CDH13: variants seen among roughly 807,000 people sequenced by gnomAD.
CDH13 encodes cadherin-13.
Under a neutral mutation model 63.8 loss-of-function variants are expected in CDH13, and 24 were observed. The observed-to-expected ratio is 0.38, with a 90% CI of 0.27 to 0.53. The LOEUF (loss-of-function observed/expected upper bound fraction) is 0.53, where lower values mean the gene tolerates loss of function less well. Ranked by LOEUF, CDH13 falls within the 20% of genes least tolerant of loss-of-function variation. The pLI is 0.85. For missense variants in CDH13, 1,049 were observed against 903.1 expected, an observed-to-expected ratio of 1.16 and a Z score of -2.07; for synonymous variants, 503 against 355.3, an observed-to-expected ratio of 1.42 and a Z score of -4.67.
intron 1 of CDH13, among the ~76,000 whole-genome samples, chr16:82,741,253 A>G (rs1368692895): frequency 2.0e-5 from 3 of 152,274 alleles, no homozygotes; most frequent in Non-Finnish European, 2.9e-5. Context: ...TGTCTCTTCC[A>G]TCATTCTGTG....
intron 6 of CDH13, among the ~76,000 whole-genome samples, chr16:83,407,084 C>G (rs1371606921): frequency 1.3e-5 from 2 of 152,168 alleles, no homozygotes; most frequent in Non-Finnish European, 2.9e-5. Context: ...CATGTATATT[C>G]AACAGATAAT....
At chr16:83,594,448 A>T (rs1907065672) in intron 7 of CDH13, among the ~76,000 whole-genome samples, 1 of 151,244 alleles carries the variant, frequency 6.6e-6, no homozygotes, top group Non-Finnish European at 1.5e-5. Flanking sequence ...ACTCCTTCTT[A>T]AATGTCAACC....
chr16:83,744,104 T>TA (rs1386621495), intron 10 of CDH13, among the ~76,000 whole-genome samples: 1 of 152,180 alleles, frequency 6.6e-6, no homozygotes, highest in East Asian at 1.9e-4. Context: ...GTGATGCTCT[T>TA]AAAGGGTTTA....
At position 83,274,112 on chromosome 16, in the gene CDH13, C is replaced by T. The variant is rs543978965; in HGVS notation, c.636+56615C>T. ...CCCTCTCGCCTTCCCCCAGGCCAGGCCGTCTCCTCCATCCCAACACCAAGG... is the reference window on the plus strand; with the variant it reads ...CCCTCTCGCCTTCCCCCAGGCCAGGTCGTCTCCTCCATCCCAACACCAAGG... On this transcript the variant is annotated intron_variant, in intron 5 of 13. Coordinates refer to ENST00000567109, the MANE Select transcript of CDH13 (RefSeq NM_001257.5). 1.2e-4 allele frequency among the ~76,000 whole-genome samples: 18 copies of T among 152,296 alleles called. No homozygotes were observed. In the East Asian group the frequency reaches 3.1e-3, roughly 26 times the overall value.
intron 5 of CDH13, among the ~76,000 whole-genome samples, chr16:83,284,378 G>A (rs190459245): frequency 3.0e-4 from 46 of 152,176 alleles, no homozygotes; most frequent in African/African-American, 1.1e-3. Context: ...AATGAGATAC[G>A]ATACTACCAC....
At chr16:83,068,379 G>T (rs909608121) in intron 3 of CDH13, among the ~76,000 whole-genome samples, 65 of 152,096 alleles carry the variant, frequency 4.3e-4, no homozygotes, top group African/African-American at 7.2e-5. Context: ...CTATTAAGTG[G>T]AACTTCCCAA....
intron 2 of CDH13, among the ~76,000 whole-genome samples, chr16:83,013,824 T>G (rs1472514437): frequency 6.6e-6 from 1 of 152,146 alleles, no homozygotes; most frequent in Non-Finnish European, 1.5e-5. Flanking sequence ...AATGGAGGTT[T>G]TATTCTAGTG....
chr16:83,430,285 T>G (rs2072056317), intron 6 of CDH13, among the ~76,000 whole-genome samples: 1 of 152,144 alleles, frequency 6.6e-6, no homozygotes, highest in African/African-American at 2.4e-5. Context: ...GTTTGTTGCA[T>G]GAAGATTAAC....
chr16:83,316,917 C>G (rs80177234), intron 5 of CDH13, among the ~76,000 whole-genome samples: 1,653 of 152,336 alleles, frequency 0.011, 23 homozygotes, highest in African/African-American at 0.034. Context: ...GATCTGGGTT[C>G]TGGTGGATTC....
rs149324858 is a variant in CDH13, at chr16:82,925,569, C to G, written c.157+67096C>G. On this transcript the variant is annotated intron_variant, in intron 2 of 13. Coordinates refer to ENST00000567109, the MANE Select transcript of CDH13 (RefSeq NM_001257.5). The stretch of plus-strand genomic sequence containing the variant: ...CAAAGTGAGTATTCGTGTCCCCAGC[C>G]ATTGTGGCAGATGAAGATCAGGGGA... 2.6e-4 allele frequency among the ~76,000 whole-genome samples: 40 copies of G among 152,306 alleles called. No individual in the cohort carries two copies. The East Asian group carries it at 7.1e-3, about 27-fold the overall frequency.
At chr16:82,945,367 G>A (rs1904590788) in intron 2 of CDH13, among the ~76,000 whole-genome samples, 1 of 152,162 alleles carries the variant, frequency 6.6e-6, no homozygotes, top group African/African-American at 2.4e-5. Context: ...TCAAGCCTCA[G>A]TGTAGGTCTT....
chr16:83,505,776 C>G (rs1171627473), intron 7 of CDH13, among the ~76,000 whole-genome samples: 2 of 152,098 alleles, frequency 1.3e-5, no homozygotes, highest in African/African-American at 4.8e-5. Flanking sequence ...CTCCTGACCT[C>G]AGGTGATCCA....
At position 83,423,221 on chromosome 16, in the gene CDH13, G is replaced by A. The variant is rs553377367; in HGVS notation, c.782-63256G>A. Among the ~76,000 whole-genome samples the A allele has an allele frequency of 9.1e-4, 139 of 152,260 alleles. 1 individual carries two copies. Among genetic ancestry groups the A allele is most frequent in the Admixed American group, 2.5e-3 (39 of 15,296 alleles). ...AGTTTAAGAATTGTGTAAGTCCTCA[G>A]TAGCCTCTAAAGTATTTCAGGCATT... On this transcript the variant is annotated intron_variant, in intron 6 of 13. Transcript: ENST00000567109.
intron 2 of CDH13, among the ~76,000 whole-genome samples, chr16:82,992,972 A>T (rs918437274): frequency 1.3e-5 from 2 of 152,172 alleles, no homozygotes; most frequent in South Asian, 2.1e-4. Context: ...CTGCCTCAGG[A>T]TACTCTAAGT....
intron 7 of CDH13, among the ~76,000 whole-genome samples, chr16:83,527,491 A>C (rs186885276): frequency 6.6e-6 from 1 of 152,304 alleles, no homozygotes; most frequent in Non-Finnish European, 1.5e-5. Context: ...ATTCAGATAC[A>C]AAAAGAGTTG....
intron 13 of CDH13, chr16:83,789,844 A>G (rs13339113): frequency 0.13 from 19,448 of 152,048 alleles, 2,060 homozygotes; most frequent in African/African-American, 0.3. Flanking sequence ...AGCCGCGCCT[A>G]TCATTTCCAT....
intron 5 of CDH13, among the ~76,000 whole-genome samples, chr16:83,324,410 C>A (rs1413128777): frequency 1.3e-5 from 2 of 152,160 alleles, no homozygotes; most frequent in African/African-American, 2.4e-5. Context: ...TCCAACACCC[C>A]CTCTTTCCTA....
At chr16:83,010,526 C>A (rs946444344) in intron 2 of CDH13, among the ~76,000 whole-genome samples, 1 of 152,058 alleles carries the variant, frequency 6.6e-6, no homozygotes. Context: ...TGAAGAGGAA[C>A]CCCACTCATT....
intron 1 of CDH13, among the ~76,000 whole-genome samples, chr16:82,687,121 C>G (rs1198977573): frequency 1.3e-5 from 2 of 152,150 alleles, no homozygotes; most frequent in Non-Finnish European, 2.9e-5. Context: ...TTCAGGGCTG[C>G]AGGTCATCTG....
Sources: gnomAD v4.1 joint callset for allele counts (sites outside exome capture counted in the v4.1 genomes callset) on GRCh38, gnomAD v4.1.1 for gene constraint, MANE v1.5 for transcripts, NCBI Gene and HGNC (gene_info 2026-07-23, HGNC 2026-07-21) for gene names.